Variants in C10orf67 observed in about 807,000 individuals in gnomAD.
C10orf67 encodes uncharacterized protein C10orf67, mitochondrial.
Under a neutral mutation model 35.6 loss-of-function variants are expected in C10orf67, and 60 were observed. That is an observed-to-expected ratio of 1.68 (90% CI 1.37 to 2.09). The LOEUF (loss-of-function observed/expected upper bound fraction) is 2.09, where lower values mean the gene tolerates loss of function less well. Ranked by LOEUF, C10orf67 falls within the 30% of genes most tolerant of loss-of-function variation. C10orf67 has a pLI of 0.00. For synonymous variants in C10orf67, 167 were observed against 115.8 expected (o/e 1.44, Z -2.84); for missense variants, 474 against 330.2 (o/e 1.44, Z -3.38).
intron 15 of C10orf67, 107 bp from the exon 16 acceptor site, chr10:23,204,362 T>A: frequency 2.3e-6 from 1 of 432,984 alleles, no homozygotes; most frequent in Non-Finnish European, 4.2e-6. Flanking sequence ...TTTTAGTGGG[T>A]CTTCCCAGCC....
At chr10:23,263,570 A>G (rs1842807085) in intron 10 of C10orf67, among the ~76,000 whole-genome samples, 1 of 152,194 alleles carries the variant, frequency 6.6e-6, no homozygotes, top group South Asian at 2.1e-4. Flanking sequence ...GAATGGGAAC[A>G]TGACTGATTT....
chr10:23,221,027 C>G (rs772120673), intron 15 of C10orf67, among the ~76,000 whole-genome samples: 5 of 151,958 alleles, frequency 3.3e-5, no homozygotes, highest in Non-Finnish European at 7.4e-5. Flanking sequence ...TTATAGTAAC[C>G]CCTTATGTTT....
chr10:23,290,986 T>C, intron 6 of C10orf67, 146 bp downstream of exon 6: 1 of 578,808 alleles, frequency 1.7e-6, no homozygotes, highest in Non-Finnish European at 3.0e-6. Context: ...GTGCTATCTT[T>C]AATAAAAAGC....
At chr10:23,218,692 C>T (rs1276126811) in intron 15 of C10orf67, among the ~76,000 whole-genome samples, 8 of 152,078 alleles carry the variant, frequency 5.3e-5, no homozygotes, top group Non-Finnish European at 1.0e-4. Context: ...CATTTACAGA[C>T]CCCGTAATAC....
Position 23,314,620 on chromosome 10 carries a change from G to A in C10orf67, c.546+6121C>T, listed in dbSNP as rs186296956. Among the ~76,000 whole-genome samples, 134 of 152,034 alleles carry A rather than the reference G, an allele frequency of 8.8e-4. 1 individual carries two copies. Among genetic ancestry groups the A allele is most frequent in the African/African-American group, 3.1e-3 (129 of 41,444 alleles). Reference sequence around the variant, plus strand: ...GGCTGCAATTAAGGTGGTGTCCAGGGCTTTGGTCTCATCTGAAGCACAACT... The same window carrying A: ...GGCTGCAATTAAGGTGGTGTCCAGGACTTTGGTCTCATCTGAAGCACAACT... On this transcript the variant is annotated intron_variant, in intron 4 of 15. Coordinates refer to ENST00000636213, the MANE Select transcript of C10orf67 (RefSeq NM_001371909.1).
chr10:23,223,270 A>C (rs1841636026), intron 15 of C10orf67, among the ~76,000 whole-genome samples: 1 of 151,642 alleles, frequency 6.6e-6, no homozygotes, highest in African/African-American at 2.4e-5. Flanking sequence ...TTTTTTGTAG[A>C]GGTAGAGTCT....
intron 5 of C10orf67, among the ~76,000 whole-genome samples, chr10:23,296,180 C>CT (rs201455113): frequency 0.015 from 2,138 of 145,660 alleles, 34 homozygotes; most frequent in East Asian, 0.058. Flanking sequence ...TCTATGTGTA[C>CT]TTTTTTTTTT....
chr10:23,282,698 G>A (rs552941765), intron 7 of C10orf67, among the ~76,000 whole-genome samples: 1 of 152,278 alleles, frequency 6.6e-6, no homozygotes, highest in Admixed American at 6.5e-5. Flanking sequence ...GGGCATGGTG[G>A]CATGTGCCTG....
At chr10:23,309,407 G>A (rs1176003645) in intron 4 of C10orf67, among the ~76,000 whole-genome samples, 1 of 152,106 alleles carries the variant, frequency 6.6e-6, no homozygotes, top group Admixed American at 6.5e-5. Flanking sequence ...AGGTGGCAGG[G>A]AGACTAGGGT....
chr10:23,216,506 T>C (rs1841434835), intron 15 of C10orf67, among the ~76,000 whole-genome samples: 1 of 152,046 alleles, frequency 6.6e-6, no homozygotes, highest in East Asian at 1.9e-4. Flanking sequence ...TTAGTAAACC[T>C]CTCACACATA....
chr10:23,273,845 T>G (rs113768086), intron 8 of C10orf67, among the ~76,000 whole-genome samples: 192 of 152,328 alleles, frequency 1.3e-3, no homozygotes, highest in African/African-American at 4.5e-3. Context: ...TTGGAAAACT[T>G]GAACTTCTGA....
intron 8 of C10orf67, among the ~76,000 whole-genome samples, chr10:23,276,147 C>T (rs1843180947): frequency 6.6e-6 from 1 of 152,076 alleles, no homozygotes; most frequent in Non-Finnish European, 1.5e-5. Context: ...AGATAGTCAC[C>T]CTATCAGTCA....
intron 8 of C10orf67, among the ~76,000 whole-genome samples, chr10:23,267,645 C>T (rs1045920658): frequency 6.6e-6 from 1 of 152,216 alleles, no homozygotes; most frequent in Non-Finnish European, 1.5e-5. Flanking sequence ...CGGTGGCTCA[C>T]ACCTGTAATC....
intron 8 of C10orf67, among the ~76,000 whole-genome samples, chr10:23,268,345 A>G (rs1842936742): frequency 6.6e-6 from 1 of 152,242 alleles, no homozygotes; most frequent in Non-Finnish European, 1.5e-5. Context: ...CTGTATCAAA[A>G]AATGTATTAT....
intron 15 of C10orf67, among the ~76,000 whole-genome samples, chr10:23,220,235 T>C (rs952788698): frequency 2.0e-5 from 3 of 152,154 alleles, no homozygotes; most frequent in African/African-American, 4.8e-5. Context: ...TAGGGCATCA[T>C]TGCTTTCACG....
At chr10:23,267,825 C>T (rs1842922304) in intron 8 of C10orf67, among the ~76,000 whole-genome samples, 2 of 151,554 alleles carry the variant, frequency 1.3e-5, no homozygotes, top group Non-Finnish European at 2.9e-5. Context: ...AGAATCTACC[C>T]AGGAGGCAGA....
intron 13 of C10orf67, among the ~76,000 whole-genome samples, chr10:23,225,924 G>C (rs891113100): frequency 6.6e-6 from 1 of 152,098 alleles, no homozygotes; most frequent in Non-Finnish European, 1.5e-5. Flanking sequence ...AATAATGGGA[G>C]ACTTTGACAC....
chr10:23,207,321 A>G (rs748875635), intron 15 of C10orf67, among the ~76,000 whole-genome samples: 14 of 152,224 alleles, frequency 9.2e-5, no homozygotes, highest in Non-Finnish European at 1.6e-4. Context: ...AGTTAACTAC[A>G]TTAAAAATGA....
At chr10:23,260,186 A>G (rs1176995094) in intron 10 of C10orf67, among the ~76,000 whole-genome samples, 2 of 152,178 alleles carry the variant, frequency 1.3e-5, no homozygotes, top group Non-Finnish European at 2.9e-5. Flanking sequence ...GTTAAAATTT[A>G]CAGCATACTT....
Sources: gnomAD v4.1 joint callset for allele counts (sites outside exome capture counted in the v4.1 genomes callset) on GRCh38, gnomAD v4.1.1 for gene constraint, MANE v1.5 for transcripts, NCBI Gene and HGNC (gene_info 2026-07-23, HGNC 2026-07-21) for gene names.